The following MTUS2 variants were observed in gnomAD, a reference collection of about 807,000 sequenced individuals.
MTUS2 encodes the protein microtubule-associated tumor suppressor candidate 2.
In MTUS2, 40 loss-of-function variants were observed where a neutral mutation model predicts 114.1. That is an observed-to-expected ratio of 0.35 (90% confidence interval 0.27 to 0.46). The LOEUF is 0.46. Ranked by LOEUF, MTUS2 falls within the 20% of genes least tolerant of loss-of-function variation. MTUS2 has a pLI of 1.00. For missense variants in MTUS2, 1,679 were observed against 1,705.4 expected (o/e 0.98, Z 0.27); for synonymous variants, 688 against 672.0 (o/e 1.02, Z -0.37).
intron 4 of MTUS2, among the ~76,000 whole-genome samples, chr13:29,034,954 A>G (rs1049691033): frequency 6.6e-6 from 1 of 152,254 alleles, no homozygotes; most frequent in Non-Finnish European, 1.5e-5. Flanking sequence ...CAAAATATGG[A>G]AAAACTTCAA....
At chr13:28,833,504 C>A (rs150603588) in intron 1 of MTUS2, among the ~76,000 whole-genome samples, 24 of 152,076 alleles carry the variant, frequency 1.6e-4, no homozygotes, top group Non-Finnish European at 2.7e-4. Flanking sequence ...AACCACTTGA[C>A]AAATTCAAAC....
intron 9 of MTUS2, among the ~76,000 whole-genome samples, chr13:29,470,561 G>A (rs1030579953): frequency 6.6e-6 from 1 of 152,144 alleles, no homozygotes; most frequent in African/African-American, 2.4e-5. Context: ...TGATTGCCTC[G>A]CTTCCATCCT....
chr13:28,880,187 C>T (rs896028959), intron 2 of MTUS2, among the ~76,000 whole-genome samples: 2 of 152,176 alleles, frequency 1.3e-5, no homozygotes, highest in African/African-American at 4.8e-5. Context: ...CTCACACCAA[C>T]TCTCTGAAAA....
At position 29,338,520 on chromosome 13, in the gene MTUS2, G is replaced by T. The variant is rs538110892; in HGVS notation, c.2905+13809G>T. 4.3e-4 allele frequency among the ~76,000 whole-genome samples: 66 copies of T among 152,242 alleles called. 1 individual carries two copies. The South Asian group carries it at 1.0e-2, about 23-fold the overall frequency. ...CAGGAGAATCGCTTGAACCGGGGAG[G>T]CGGAGGTTGCAGTGAGCTGAGATAA... On this transcript the variant is annotated intron_variant, in intron 7 of 15. Transcript: ENST00000612955.
intron 10 of MTUS2, among the ~76,000 whole-genome samples, chr13:29,485,808 T>C (rs574677766): frequency 5.9e-4 from 90 of 152,274 alleles, no homozygotes; most frequent in African/African-American, 2.0e-3. Flanking sequence ...TGTCTGTCTT[T>C]TCTGAAACCA....
chr13:29,164,270 A>G (rs188231390), intron 5 of MTUS2, among the ~76,000 whole-genome samples: 168 of 152,302 alleles, frequency 1.1e-3, no homozygotes, highest in African/African-American at 3.7e-3. Flanking sequence ...CTGCCTTTCC[A>G]GGCTCCAGTC....
chr13:28,982,966 A>C (rs528676462), intron 2 of MTUS2, among the ~76,000 whole-genome samples: 20 of 152,220 alleles, frequency 1.3e-4, no homozygotes, highest in Non-Finnish European at 2.4e-4. Flanking sequence ...TGATGGTTGC[A>C]GAACAATGTA....
chr13:29,459,431 T>G (rs1246261483), intron 9 of MTUS2, among the ~76,000 whole-genome samples: 1 of 152,150 alleles, frequency 6.6e-6, no homozygotes, highest in Non-Finnish European at 1.5e-5. Flanking sequence ...TCCTCGTTAT[T>G]ATTATAGTGA....
At chr13:29,353,737 C>G (rs906781854) in intron 7 of MTUS2, among the ~76,000 whole-genome samples, 2 of 152,230 alleles carry the variant, frequency 1.3e-5, no homozygotes, top group Non-Finnish European at 2.9e-5. Flanking sequence ...TTCTACACTA[C>G]TGAGCAAAAC....
intron 4 of MTUS2, among the ~76,000 whole-genome samples, chr13:29,036,606 G>T (rs1038123819): frequency 2.6e-5 from 4 of 152,172 alleles, no homozygotes; most frequent in African/African-American, 9.7e-5. Flanking sequence ...TGACAGTGGG[G>T]TGTTAAAGTG....
chr13:29,029,771 G>T (rs909268260), intron 3 of MTUS2, among the ~76,000 whole-genome samples: 13 of 152,142 alleles, frequency 8.5e-5, no homozygotes, highest in Admixed American at 6.5e-4. Flanking sequence ...TGAGCAAGAG[G>T]GGAGTGGAGG....
At chr13:29,172,016 A>T (rs1036003835) in intron 5 of MTUS2, among the ~76,000 whole-genome samples, 3 of 152,206 alleles carry the variant, frequency 2.0e-5, no homozygotes, top group African/African-American at 2.4e-5. Flanking sequence ...CACATGCCCC[A>T]CTAAAGTAAT....
chr13:29,438,341 T>C (rs953028355), intron 8 of MTUS2, among the ~76,000 whole-genome samples: 2 of 152,162 alleles, frequency 1.3e-5, no homozygotes, highest in Admixed American at 1.3e-4. Flanking sequence ...TGGGTCTGTC[T>C]TAGTGTCTTT....
intron 8 of MTUS2, among the ~76,000 whole-genome samples, chr13:29,375,977 C>T (rs924705348): frequency 9.3e-5 from 14 of 150,790 alleles, no homozygotes; most frequent in African/African-American, 3.2e-4. Flanking sequence ...CCACTAATAC[C>T]CCACAAGCTA....
At position 29,025,844 on chromosome 13, in the gene MTUS2, A is replaced by C. The variant is rs1156381056; in HGVS notation, c.1146A>C (p.Arg382Ser). The C allele has an allele frequency of 1.2e-6, 2 of 1,613,534 alleles. No individual in the cohort carries two copies. The highest frequency in any genetic ancestry group is 1.7e-6 in the Non-Finnish European group (2 of 1,179,748). The change falls in exon 3 of 16, where the codon AGA becomes AGC. Residue 382 changes from arginine to serine, a missense_variant. Arg to Ser is a moderately radical substitution (Grantham distance 110, BLOSUM62 -1). This residue lies in a region of MTUS2 where 843 missense variants were observed against 770.8 expected (regional missense o/e 1.09). Transcript: ENST00000612955. ...GAAGAGGCAACTGTGAAGAGAAGAG[A>C]GGAGTCAACCCAGGGGAGCAGGATT... ...GVGRGNCEEK[R>S]GVNPGEQDSL...
chr13:29,447,817 A>G (rs1878398796), intron 9 of MTUS2, among the ~76,000 whole-genome samples: 1 of 152,124 alleles, frequency 6.6e-6, no homozygotes, highest in African/African-American at 2.4e-5. Flanking sequence ...GAGGAAAAGC[A>G]GAGATGCTAG....
rs549114077 is a variant in MTUS2 at position 29,466,007 on chromosome 13, C to A, written c.3185-14143C>A. ...ACAGTTACCAATGAAATGGGATTCA[C>A]ACCTACAGTAGGGACACACACCCAT... On this transcript the variant is annotated intron_variant, in intron 9 of 15. Transcript: ENST00000612955. 1.8e-4 allele frequency among the ~76,000 whole-genome samples: 27 copies of A among 152,356 alleles called. No homozygotes were observed. The South Asian group carries it at 5.4e-3, about 30-fold the overall frequency.
At position 29,461,014 on chromosome 13, in the gene MTUS2, G is replaced by T. The variant is rs573748604; in HGVS notation, c.3185-19136G>T. Among the ~76,000 whole-genome samples, 5 of 152,216 alleles carry T rather than the reference G, an allele frequency of 3.3e-5. No homozygotes were observed. The South Asian group carries it at 1.0e-3, about 32-fold the overall frequency. ...GGGGTGTCTTAGTCCATTTTGTGCT[G>T]TTATAATAGTGTCTGAGACTGGAAT... On this transcript the variant is annotated intron_variant, in intron 9 of 15. Coordinates refer to ENST00000612955, the MANE Select transcript of MTUS2 (RefSeq NM_001033602.4).
intron 8 of MTUS2, among the ~76,000 whole-genome samples, chr13:29,392,472 G>A (rs564098245): frequency 6.6e-5 from 10 of 152,284 alleles, no homozygotes; most frequent in Admixed American, 5.9e-4. Flanking sequence ...ACACACAGCT[G>A]AGGAGACATC....
Sources: gnomAD v4.1 joint callset for allele counts (sites outside exome capture counted in the v4.1 genomes callset) on GRCh38, gnomAD v4.1.1 for gene constraint, gnomAD v4.1.1 regional missense constraint, MANE v1.5 for transcripts, NCBI Gene and HGNC (gene_info 2026-07-23, HGNC 2026-07-21) for gene names.